Variants in DLG5 observed in about 807,000 individuals in gnomAD.
DLG5 encodes the protein discs large MAGUK scaffold protein 5, also known as disks large homolog 5.
In DLG5, 48 loss-of-function variants were observed where a neutral mutation model predicts 189.8. The observed-to-expected ratio is 0.25, with a 90% CI of 0.20 to 0.32. The LOEUF is 0.32. Among genes scored for constraint, DLG5 ranks in the 10% least tolerant of loss-of-function variants. The pLI is 1.00. For synonymous variants in DLG5, 1,016 were observed against 1,054.1 expected (o/e 0.96, Z 0.70); for missense variants, 2,160 against 2,544.7 (o/e 0.85, Z 3.25).
chr10:77,934,860 GT>G, the DLG5 span, among the ~76,000 whole-genome samples: 27,492 of 136,990 alleles, frequency 0.2, 4,788 homozygotes, highest in African/African-American at 0.5. Flanking sequence ...TTGTTTTTTT[GT>G]TTTTTTTTTT....
chr10:77,796,412 A>G lies in DLG5; in HGVS notation c.5308+39T>C. The G allele has an allele frequency of 6.2e-7, 1 of 1,613,996 alleles. No homozygotes were observed. The highest frequency in any genetic ancestry group is 1.6e-4 in the Middle Eastern group (1 of 6,062). On this transcript the variant is annotated intron_variant, in intron 28 of 31. Coordinates refer to ENST00000372391, the MANE Select transcript of DLG5 (RefSeq NM_004747.4). The surrounding 1 kb of genome is among the most constrained non-coding windows in gnomAD (Gnocchi z 5.2). ...CAGGTGGACAGGGACATAGAGACAA[A>G]GAGCCCAGTAGGCACAGAGGGTGCC...
intron 2 of DLG5, among the ~76,000 whole-genome samples, chr10:77,866,409 C>T (rs533403906): frequency 1.3e-5 from 2 of 152,254 alleles, no homozygotes; most frequent in Admixed American, 1.3e-4. Flanking sequence ...GCTTTGTGAG[C>T]CACTGGTTTC....
rs1351619736 is a variant in DLG5, at chr10:77,926,244, C to G, written c.277G>C (p.Gly93Arg). The G allele has an allele frequency of 3.3e-6, 5 of 1,524,744 alleles. No homozygotes were observed. Among genetic ancestry groups the G allele is most frequent in the Non-Finnish European group, 3.5e-6 (4 of 1,135,672 alleles). The allele number at this position is 1,524,744 out of a possible 1,614,324, so 94.5% of individuals were successfully genotyped here. ...GCGCCTTCGGCGGGCTGCGGCGGCC[C>G]GACGACGCCGTTCAGGTAGAGAATG... ...LPILYLNGVV[G>R]PPQPAEGAGS... The change falls in exon 1 of 32, where the codon GGG becomes CGG. Residue 93 changes from glycine (G) to arginine (R), a missense_variant. Around this residue, in one of 5 missense-constraint regions of DLG5, gnomAD observed 664 missense variants for 838.5 expected, o/e 0.79. Transcript: ENST00000372391. This position sits in a 1 kb window ranked among gnomAD's most constrained non-coding sequence, Gnocchi z 5.2.
In DLG5 at chr10:77,812,236, C is replaced by T. The variant is rs1340634827; in HGVS notation, c.4167G>A (p.Glu1389=). The change falls in exon 21 of 32, where the codon GAG becomes GAA. Residue 1389 remains glutamate (E), a synonymous_variant. Coordinates refer to ENST00000372391, the MANE Select transcript of DLG5 (RefSeq NM_004747.4). ...VGSIAHQAGL[E]YGDQLLEFNG... ...TCACCTCCAGTAACTGATCCCCATACTCGAGGCCAGCCTGGTGAGCGATGC... is the reference window on the plus strand; with the variant it reads ...TCACCTCCAGTAACTGATCCCCATATTCGAGGCCAGCCTGGTGAGCGATGC... 1.2e-6 allele frequency: 2 copies of T among 1,613,870 alleles called. No homozygotes were observed. The highest frequency in any genetic ancestry group is 1.7e-6 in the Non-Finnish European group (2 of 1,179,800).
chr10:77,884,957 T>C (rs937910312), intron 1 of DLG5, among the ~76,000 whole-genome samples: 15 of 152,224 alleles, frequency 9.9e-5, no homozygotes, highest in Non-Finnish European at 2.1e-4. Context: ...GAAAGGACGC[T>C]GCACACACTT....
chr10:77,843,247 G>A (rs144421274), intron 6 of DLG5, among the ~76,000 whole-genome samples, 200 bp downstream of exon 6: 4 of 152,278 alleles, frequency 2.6e-5, no homozygotes, highest in East Asian at 1.9e-4. Context: ...CCGTGAACCC[G>A]AAGGTAAACA....
chr10:77,810,307 C>G (rs925530296), intron 23 of DLG5, among the ~76,000 whole-genome samples: 1 of 152,184 alleles, frequency 6.6e-6, no homozygotes, highest in African/African-American at 2.4e-5. Context: ...GAGATGCCAG[C>G]CCGGGAGGAA....
rs548154823 is a variant in DLG5 at position 77,871,019 on chromosome 10, A to T, written c.305-1822T>A. Among the ~76,000 whole-genome samples the T allele has an allele frequency of 5.9e-5, 9 of 152,376 alleles. No individual in the cohort carries two copies. The South Asian group carries it at 1.7e-3, about 28-fold the overall frequency. Reference sequence around the variant, plus strand: ...AAAAGCAACTTTGGTAATGGCAAGCACTAGGACAGGCGTGACCGGCAATGA... The same window carrying T: ...AAAAGCAACTTTGGTAATGGCAAGCTCTAGGACAGGCGTGACCGGCAATGA... On this transcript the variant is annotated intron_variant, in intron 1 of 31. Coordinates refer to ENST00000372391, the MANE Select transcript of DLG5 (RefSeq NM_004747.4).
At chr10:77,826,075 C>A (rs1842623047) in intron 13 of DLG5, among the ~76,000 whole-genome samples, 2 of 152,298 alleles carry the variant, frequency 1.3e-5, no homozygotes, top group South Asian at 2.1e-4. Context: ...AAGCCATGAC[C>A]TTTTTGGAGC....
intron 1 of DLG5, among the ~76,000 whole-genome samples, chr10:77,915,635 A>G (rs1846336789): frequency 6.6e-6 from 1 of 152,240 alleles, no homozygotes. Context: ...ATTTGACCAC[A>G]GAACCCTTTT....
At chr10:77,829,272 C>T (rs929735105) in intron 12 of DLG5, 83 bp downstream of exon 12, 15 of 1,573,892 alleles carry the variant, frequency 9.5e-6, no homozygotes, top group African/African-American at 9.4e-5. Flanking sequence ...GAATGAGGTG[C>T]TCTAAGGGGC....
chr10:77,926,029 G>A lies in DLG5; in HGVS notation c.304+188C>T, dbSNP rs1187728935. On this transcript the variant is annotated intron_variant, in intron 1 of 31. Coordinates refer to ENST00000372391, the MANE Select transcript of DLG5 (RefSeq NM_004747.4). The surrounding 1 kb of genome is among the most constrained non-coding windows in gnomAD (Gnocchi z 5.2). ...GCGGGGGGCATTGTTCACAGCGAACGGCGGGACTGGGGGAGGCGGCGGGAC... is the reference window on the plus strand; with the variant it reads ...GCGGGGGGCATTGTTCACAGCGAACAGCGGGACTGGGGGAGGCGGCGGGAC... Among the ~76,000 whole-genome samples the A allele has an allele frequency of 6.6e-6, 1 of 152,220 alleles. No individual in the cohort carries two copies. The highest frequency in any genetic ancestry group is 1.5e-5 in the Non-Finnish European group (1 of 68,034).
intron 1 of DLG5, among the ~76,000 whole-genome samples, chr10:77,892,140 C>T (rs1416236174): frequency 6.6e-6 from 1 of 152,160 alleles, no homozygotes; most frequent in African/African-American, 2.4e-5. Context: ...GCCCCAGCTT[C>T]CCGGGATGCC....
chr10:77,850,748 G>A (rs1050081498), intron 5 of DLG5, among the ~76,000 whole-genome samples: 1 of 152,172 alleles, frequency 6.6e-6, no homozygotes, highest in Non-Finnish European at 1.5e-5. Flanking sequence ...CTGACTGAGC[G>A]CCTCATACAC....
intron 20 of DLG5, 39 bp downstream of exon 20, chr10:77,816,512 A>C (rs770069927): frequency 1.5e-5 from 24 of 1,613,472 alleles, no homozygotes; most frequent in Non-Finnish European, 2.0e-5. Flanking sequence ...CACACTGTCC[A>C]CTGGTTTACC....
chr10:77,929,573 C>T (rs1846767699), upstream of DLG5: 1 of 152,190 alleles, frequency 6.6e-6, no homozygotes, highest in Non-Finnish European at 1.5e-5. Context: ...CATCCAATAA[C>T]TGTTGTTCTT....
chr10:77,821,541 G>A lies in DLG5; in HGVS notation c.2943C>T (p.Arg981=), dbSNP rs749780146. The A allele has an allele frequency of 6.2e-7, 1 of 1,612,850 alleles. No homozygotes were observed. The highest frequency in any genetic ancestry group is 1.7e-5 in the Admixed American group (1 of 60,022). Reference sequence around the variant, plus strand: ...AGTCTATTTTGGGGGGTGTCTGGGGGCGTTTGAAAGTGTTAGGGTCAAAGA... The same window carrying A: ...AGTCTATTTTGGGGGGTGTCTGGGGACGTTTGAAAGTGTTAGGGTCAAAGA... ...KSIFDPNTFK[R]PQTPPKIDYL... is the part of the protein sequence containing the mutation. The change falls in exon 15 of 32, where the codon CGC becomes CGT. Residue 981 remains arginine, a synonymous_variant. Transcript: ENST00000372391.
chr10:77,835,983 C>T, intron 7 of DLG5, 61 bp from the exon 8 acceptor site: 2 of 1,551,616 alleles, frequency 1.3e-6, no homozygotes, highest in Non-Finnish European at 1.8e-6. Flanking sequence ...CCAGGAGCGC[C>T]TCCCACCAGT....
the DLG5 span, among the ~76,000 whole-genome samples, chr10:77,935,019 G>A: frequency 6.6e-6 from 1 of 151,986 alleles, no homozygotes; most frequent in African/African-American, 2.4e-5. Flanking sequence ...CACCACACCT[G>A]GCTAACTTTT....
Sources: allele counts gnomAD v4.1 joint callset (sites outside exome capture counted in the v4.1 genomes callset), GRCh38; gene constraint gnomAD v4.1.1; regional missense constraint gnomAD v4.1.1; non-coding constraint Gnocchi (gnomAD v3.1); transcripts MANE v1.5; gene names NCBI Gene and HGNC (gene_info 2026-07-23, HGNC 2026-07-21).